Variants in DNAJC21 observed in about 807,000 individuals in gnomAD.
DNAJC21 encodes dnaJ homolog subfamily C member 21.
A neutral mutation model predicts 72.4 loss-of-function variants in DNAJC21; 63 were observed. That is an observed-to-expected ratio of 0.87 (90% CI 0.71 to 1.07). The LOEUF is 1.07. Ranked by LOEUF, DNAJC21 falls within the 50% of genes least tolerant of loss-of-function variation. DNAJC21 has a pLI of 0.00. For synonymous variants in DNAJC21, 203 were observed against 216.7 expected (o/e 0.94, Z 0.56); for missense variants, 634 against 644.8 (o/e 0.98, Z 0.18).
At chr5:34,948,561 T>C (rs2112086983) in intron 9 of DNAJC21, among the ~76,000 whole-genome samples, 1 of 152,318 alleles carries the variant, frequency 6.6e-6, no homozygotes, top group Admixed American at 6.5e-5. Flanking sequence ...TGTATCTATA[T>C]TGACTTTTAA....
rs772974484 is a variant in DNAJC21, at chr5:34,929,873, G to A, written c.54G>A (p.Glu18=). The change falls in exon 1 of 12, where the codon GAG becomes GAA. Residue 18 remains glutamate (E), a synonymous_variant. Transcript: ENST00000648817. The part of the protein sequence containing the change: ...LGVRRDASEE[E]LKKAYRKLAL... ...TGCGGCGCGACGCCAGCGAGGAGGA[G>A]CTCAAGAAGGCCTATCGGAAGCTGG... 1 of 1,584,198 alleles carries A rather than the reference G, an allele frequency of 6.3e-7. No individual in the cohort carries two copies. The highest frequency in any genetic ancestry group is 1.4e-5 in the African/African-American group (1 of 71,916).
At chr5:34,939,727 G>GTT (rs147718625) in intron 6 of DNAJC21, among the ~76,000 whole-genome samples, 1 of 147,386 alleles carries the variant, frequency 6.8e-6, no homozygotes, top group African/African-American at 2.5e-5. Context: ...CCAAAATGTT[G>GTT]TTTTTTTTTT....
intron 9 of DNAJC21, among the ~76,000 whole-genome samples, chr5:34,946,386 T>C (rs998309822): frequency 6.6e-6 from 1 of 152,158 alleles, no homozygotes; most frequent in African/African-American, 2.4e-5. Context: ...TAAAGTGAAT[T>C]TGTCCATTTT....
In DNAJC21 at chr5:34,942,582, A is replaced by G. The variant is rs72732848; in HGVS notation, c.983+1399A>G. Among the ~76,000 whole-genome samples, 798 of 152,306 alleles carry G rather than the reference A, an allele frequency of 5.2e-3. 4 individuals carry two copies. Among genetic ancestry groups the G allele is most frequent in the Non-Finnish European group, 9.5e-3 (646 of 68,022 alleles). On this transcript the variant is annotated intron_variant, in intron 7 of 11. Coordinates refer to ENST00000648817, the MANE Select transcript of DNAJC21 (RefSeq NM_001012339.3). Reference sequence around the variant, plus strand: ...AAAAATTTTTTTTTATTTGGAAATGACACACTTAAAGGTAAATTGCAAGAA... The same window carrying G: ...AAAAATTTTTTTTTATTTGGAAATGGCACACTTAAAGGTAAATTGCAAGAA...
intron 7 of DNAJC21, among the ~76,000 whole-genome samples, chr5:34,941,743 T>A (rs925559576): frequency 6.6e-6 from 1 of 151,862 alleles, no homozygotes; most frequent in Non-Finnish European, 1.5e-5. Flanking sequence ...ATTTTTGTAT[T>A]TTTAGTAGAG....
At position 34,957,990 on chromosome 5, in the gene DNAJC21, G is replaced by C. The variant is rs1028942004; in HGVS notation, c.*3276G>C. 2 of 152,144 alleles carry C rather than the reference G, an allele frequency of 1.3e-5. No individual in the cohort carries two copies. The highest frequency in any genetic ancestry group is 2.9e-5 in the Non-Finnish European group (2 of 68,020). 9.4% of individuals were successfully genotyped at this position (152,144 alleles called of 1,614,324 possible). ...TGGGATTGGAGAGGAAAAATTAGAGGTGATTTTCAGATTTCTTGTTCTATG... is the reference window on the plus strand; with the variant it reads ...TGGGATTGGAGAGGAAAAATTAGAGCTGATTTTCAGATTTCTTGTTCTATG... On this transcript the variant is annotated 3_prime_UTR_variant, in exon 12 of 12. Coordinates refer to ENST00000648817, the MANE Select transcript of DNAJC21 (RefSeq NM_001012339.3).
In DNAJC21 at chr5:34,937,256, A is replaced by ACC; in HGVS notation, c.439-70_439-69insCC. On this transcript the variant is annotated intron_variant, in intron 4 of 11. Transcript: ENST00000648817. ...AGAAAGGTAAAAGATGTTTCGCATC[A>ACC]GTAATATTTACTGCTTTTCTAAAAA... 8.2e-6 allele frequency: 12 copies of ACC among 1,460,006 alleles called. 1 individual carries two copies. The highest frequency in any genetic ancestry group is 1.1e-5 in the Non-Finnish European group (12 of 1,081,306). The allele number at this position is 1,460,006 out of a possible 1,614,324, so 90.4% of individuals were successfully genotyped here.
chr5:34,941,775 C>A (rs1235209232), intron 7 of DNAJC21, among the ~76,000 whole-genome samples: 1 of 151,932 alleles, frequency 6.6e-6, no homozygotes, highest in African/African-American at 2.4e-5. Context: ...CCATGTTGGT[C>A]AGGCTGGTCT....
At position 34,941,196 on chromosome 5, in the gene DNAJC21, A is replaced by G. The variant is rs780216077; in HGVS notation, c.983+13A>G. The G allele has an allele frequency of 5.0e-6, 8 of 1,603,350 alleles. No individual in the cohort carries two copies. In the East Asian group the frequency reaches 1.3e-4, roughly 27 times the overall value. On this transcript the variant is annotated intron_variant, in intron 7 of 11. Transcript: ENST00000648817. ...AGACAGAAAAGGCGTAAGTTTATTA[A>G]TTTAATTTAATTTAATTTTGAGACA...
intron 1 of DNAJC21, among the ~76,000 whole-genome samples, chr5:34,932,734 G>C (rs534480514): frequency 6.6e-6 from 1 of 152,192 alleles, no homozygotes; most frequent in African/African-American, 2.4e-5. Flanking sequence ...GTGCTCTGCC[G>C]GCTATTGGCC....
chr5:34,955,096 T>C lies in DNAJC21; in HGVS notation c.*382T>C, dbSNP rs1765497623. On this transcript the variant is annotated 3_prime_UTR_variant, in exon 12 of 12. Coordinates refer to ENST00000648817, the MANE Select transcript of DNAJC21 (RefSeq NM_001012339.3). ...ACTTTTACTTAATGCTTTTGTGTTT[T>C]GTTAATACTTCATAATATGTGAAAA... The C allele has an allele frequency of 6.5e-6, 1 of 154,788 alleles. No individual in the cohort carries two copies. 9.6% of individuals were successfully genotyped at this position (154,788 alleles called of 1,614,324 possible). A position where few individuals can be genotyped will look rare whatever the true frequency, so the allele number is the denominator to read the frequency against.
rs1304378189 is a variant in DNAJC21 at position 34,955,353 on chromosome 5, GT to G, written c.*645del. 4.6e-5 allele frequency: 7 copies of G among 151,866 alleles called. No homozygotes were observed. Among genetic ancestry groups the G allele is most frequent in the Non-Finnish European group, 4.4e-5 (3 of 68,000 alleles). The allele number at this position is 151,866 out of a possible 1,614,324, so 9.4% of individuals were successfully genotyped here. A position where few individuals can be genotyped will look rare whatever the true frequency, so the allele number is the denominator to read the frequency against. ...GTTTACCAGTAAGGTGTATTGTTCA[GT>G]TTTTTGCTCCGATTTGAATTGTGGA... On this transcript the variant is annotated 3_prime_UTR_variant, in exon 12 of 12. Transcript: ENST00000648817.
At chr5:34,937,915 C>T (rs1193050652) in intron 5 of DNAJC21, among the ~76,000 whole-genome samples, 1 of 152,118 alleles carries the variant, frequency 6.6e-6, no homozygotes, top group East Asian at 1.9e-4. Context: ...CTGTCTCAGC[C>T]TCCCAAGTAG....
At chr5:34,952,418 A>C (rs1765403299) in intron 10 of DNAJC21, 1 of 226,674 alleles carries the variant, frequency 4.4e-6, no homozygotes, top group Admixed American at 6.5e-5. Flanking sequence ...AGGCCGTTTA[A>C]CTTAGCACAG....
In DNAJC21 at chr5:34,937,589, A is replaced by T. The variant is rs1482126793; in HGVS notation, c.702A>T (p.Lys234Asn). Residue 234 changes from lysine (K) to asparagine (N), a missense_variant, in exon 5 of 12, where the codon AAA becomes AAT. Lys to Asn is a moderately conservative substitution (Grantham distance 94). Transcript: ENST00000648817. ...VEEQNAEKAR[K>N]AEEMRRQQKL... Reference sequence around the variant, plus strand: ...AACAGAATGCAGAGAAGGCGAGGAAAGCCGAAGAGATGAGGCGGCAGCAGA... The same window carrying T: ...AACAGAATGCAGAGAAGGCGAGGAATGCCGAAGAGATGAGGCGGCAGCAGA... The T allele has an allele frequency of 6.2e-7, 1 of 1,613,734 alleles. No individual in the cohort carries two copies. The highest frequency in any genetic ancestry group is 1.1e-5 in the South Asian group (1 of 91,058).
At chr5:34,953,096 G>A (rs534494009) in intron 10 of DNAJC21, among the ~76,000 whole-genome samples, 88 of 152,110 alleles carry the variant, frequency 5.8e-4, no homozygotes, top group African/African-American at 1.9e-3. Context: ...GTTGCAGTGA[G>A]CCAAGATCGC....
At chr5:34,936,520 A>G (rs1213138224) in intron 4 of DNAJC21, among the ~76,000 whole-genome samples, 1 of 152,062 alleles carries the variant, frequency 6.6e-6, no homozygotes, top group African/African-American at 2.4e-5. Flanking sequence ...GGGTCTTGCT[A>G]AGTTTCCCAG....
At chr5:34,947,479 A>G (rs747133486) in intron 9 of DNAJC21, among the ~76,000 whole-genome samples, 3 of 152,160 alleles carry the variant, frequency 2.0e-5, no homozygotes, top group African/African-American at 4.8e-5. Flanking sequence ...TTAATCACAT[A>G]TTTAATGTTG....
chr5:34,946,429 A>G (rs979256442), intron 9 of DNAJC21, among the ~76,000 whole-genome samples: 11 of 152,150 alleles, frequency 7.2e-5, no homozygotes, highest in African/African-American at 2.4e-4. Flanking sequence ...GCATTTTAGT[A>G]TAATCTAGTT....
Sources: allele counts gnomAD v4.1 joint callset (sites outside exome capture counted in the v4.1 genomes callset), GRCh38; gene constraint gnomAD v4.1.1; transcripts MANE v1.5; gene names NCBI Gene and HGNC (gene_info 2026-07-23, HGNC 2026-07-21).